Variants in GPC5 observed in about 807,000 individuals in gnomAD.
The protein encoded by GPC5 is glypican 5.
GPC5 carries 47 observed loss-of-function variants against 53.9 expected under a neutral mutation model. That is an observed-to-expected ratio of 0.87 (90% CI 0.69 to 1.11). The LOEUF is 1.11. Among genes scored for constraint, GPC5 ranks in the 50% most tolerant of loss-of-function variants. The probability of loss-of-function intolerance (pLI) is 0.00; values close to 1 mark genes in which losing one functional copy is unlikely to be tolerated. For synonymous variants in GPC5, 286 were observed against 263.3 expected (o/e 1.09, Z -0.84); for missense variants, 748 against 713.1 (o/e 1.05, Z -0.56).
At chr13:91,755,434 A>G (rs1045369101) in intron 4 of GPC5, among the ~76,000 whole-genome samples, 2 of 151,934 alleles carry the variant, frequency 1.3e-5, no homozygotes, top group Non-Finnish European at 2.9e-5. Flanking sequence ...AGGGCTTTTC[A>G]TTTCTTTTTC....
intron 7 of GPC5, among the ~76,000 whole-genome samples, chr13:92,856,293 A>G (rs919518865): frequency 6.6e-6 from 1 of 152,120 alleles, no homozygotes; most frequent in African/African-American, 2.4e-5. Context: ...GCCTTTGATA[A>G]AATCCGACAT....
At chr13:91,865,647 T>C (rs938457056) in intron 5 of GPC5, among the ~76,000 whole-genome samples, 1 of 152,214 alleles carries the variant, frequency 6.6e-6, no homozygotes, top group Non-Finnish European at 1.5e-5. Context: ...CATGACCCCA[T>C]GGCAGAAACG....
intron 7 of GPC5, among the ~76,000 whole-genome samples, chr13:92,691,360 C>A (rs374726750): frequency 1.5e-3 from 215 of 140,990 alleles, no homozygotes; most frequent in African/African-American, 3.0e-3. Flanking sequence ...TTCTTTGACT[C>A]GGAAAGGGAA....
chr13:92,222,140 C>A (rs1472543908), intron 7 of GPC5, among the ~76,000 whole-genome samples: 1 of 152,102 alleles, frequency 6.6e-6, no homozygotes, highest in Non-Finnish European at 1.5e-5. Context: ...GCGGTATCTC[C>A]GATCAATTCT....
intron 5 of GPC5, among the ~76,000 whole-genome samples, chr13:91,775,928 C>T (rs1408092609): frequency 6.6e-6 from 1 of 152,176 alleles, no homozygotes; most frequent in Non-Finnish European, 1.5e-5. Context: ...GAGCAGGCAC[C>T]ATGAGCATCA....
intron 7 of GPC5, among the ~76,000 whole-genome samples, chr13:92,385,555 T>TATATAATATATAC (rs1566567870): frequency 4.3e-5 from 2 of 46,398 alleles, no homozygotes; most frequent in African/African-American, 1.1e-4. Context: ...TATACATATA[T>TATATAATATATAC]GCATATATAC....
intron 7 of GPC5, among the ~76,000 whole-genome samples, chr13:92,335,772 C>T (rs982491794): frequency 4.6e-5 from 7 of 152,156 alleles, no homozygotes; most frequent in African/African-American, 1.7e-4. Context: ...CCTCCAGTTC[C>T]TAACAAGTTC....
intron 7 of GPC5, among the ~76,000 whole-genome samples, chr13:92,836,358 A>G (rs1266724567): frequency 6.6e-6 from 1 of 152,040 alleles, no homozygotes; most frequent in Non-Finnish European, 1.5e-5. Flanking sequence ...ATCCAAATTT[A>G]TTTTCTTCCA....
At chr13:91,712,372 A>G (rs1018291207) in intron 3 of GPC5, among the ~76,000 whole-genome samples, 5 of 151,616 alleles carry the variant, frequency 3.3e-5, no homozygotes, top group Non-Finnish European at 7.4e-5. Flanking sequence ...GTGTGTATAT[A>G]TATGTGTGTA....
chr13:92,344,617 AG>A (rs2043395442), intron 7 of GPC5, among the ~76,000 whole-genome samples: 1 of 152,150 alleles, frequency 6.6e-6, no homozygotes, highest in Non-Finnish European at 1.5e-5. Context: ...GACTGATAAA[AG>A]GAAAAATACT....
intron 7 of GPC5, among the ~76,000 whole-genome samples, chr13:92,234,162 G>T (rs879793412): frequency 7.9e-5 from 12 of 151,984 alleles, no homozygotes; most frequent in Non-Finnish European, 1.6e-4. Context: ...ATAATCCTTT[G>T]GGTATATACC....
chr13:92,251,551 T>C (rs2042692803), intron 7 of GPC5, among the ~76,000 whole-genome samples: 1 of 151,456 alleles, frequency 6.6e-6, no homozygotes. Context: ...ACCGATTTGC[T>C]CCCTACATGA....
intron 5 of GPC5, among the ~76,000 whole-genome samples, chr13:91,892,088 T>A (rs2039392736): frequency 6.6e-6 from 1 of 152,028 alleles, no homozygotes; most frequent in African/African-American, 2.4e-5. Context: ...TTTAGAATAC[T>A]CACATTGATA....
At chr13:92,237,205 G>GT (rs1201493036) in intron 7 of GPC5, among the ~76,000 whole-genome samples, 2 of 152,006 alleles carry the variant, frequency 1.3e-5, no homozygotes, top group African/African-American at 4.8e-5. Context: ...AAAATAAAAG[G>GT]TCTTGTGTTT....
intron 1 of GPC5, among the ~76,000 whole-genome samples, chr13:91,423,594 G>A (rs1878798284): frequency 1.3e-5 from 2 of 152,140 alleles, no homozygotes; most frequent in African/African-American, 4.8e-5. Flanking sequence ...GGGTGTGAAT[G>A]TGGAAAGAGA....
At chr13:92,244,336 G>A (rs1267654560) in intron 7 of GPC5, among the ~76,000 whole-genome samples, 4 of 152,000 alleles carry the variant, frequency 2.6e-5, no homozygotes, top group Admixed American at 2.6e-4. Context: ...ATGATATTAC[G>A]ACATTTGATC....
At chr13:92,200,438 T>G (rs2042286231) in intron 7 of GPC5, among the ~76,000 whole-genome samples, 1 of 152,216 alleles carries the variant, frequency 6.6e-6, no homozygotes. Context: ...TGCAAGACAT[T>G]CAACTCGAAT....
chr13:91,644,585 AATATCT>A (rs769892250), intron 2 of GPC5, among the ~76,000 whole-genome samples: 41 of 151,972 alleles, frequency 2.7e-4, no homozygotes, highest in South Asian at 6.2e-4. Flanking sequence ...TTTACTAATC[AATATCT>A]ATATTTTTCC....
At chr13:92,568,589 C>A (rs1882930382) in intron 7 of GPC5, among the ~76,000 whole-genome samples, 1 of 152,142 alleles carries the variant, frequency 6.6e-6, no homozygotes, top group African/African-American at 2.4e-5. Context: ...ATTTTACTGA[C>A]AACACTCCAT....
Sources: gnomAD v4.1 joint callset for allele counts (sites outside exome capture counted in the v4.1 genomes callset) on GRCh38, gnomAD v4.1.1 for gene constraint, MANE v1.5 for transcripts, NCBI Gene and HGNC (gene_info 2026-07-23, HGNC 2026-07-21) for gene names.